Variants in CPNE4 observed in about 807,000 individuals in gnomAD.
The protein encoded by CPNE4 is copine 4.
CPNE4 carries 25 observed loss-of-function variants against 67.9 expected under a neutral mutation model. The ratio of observed to expected loss-of-function variants is 0.37; its 90% CI spans 0.27 to 0.51. The LOEUF (loss-of-function observed/expected upper bound fraction) is 0.51. CPNE4 is among the 20% of genes least tolerant of loss of function. The pLI, the probability that CPNE4 is intolerant of heterozygous loss-of-function variation, is 0.93. For synonymous variants in CPNE4, 242 were observed against 244.9 expected (o/e 0.99, Z 0.11); for missense variants, 464 against 690.8 (o/e 0.67, Z 3.68).
intron 3 of CPNE4, among the ~76,000 whole-genome samples, chr3:131,716,601 AT>A (rs2081693824): frequency 1.3e-5 from 2 of 152,144 alleles, no homozygotes; most frequent in South Asian, 4.1e-4. Flanking sequence ...TTCTGAAAAC[AT>A]GTTGGTCTCT....
At chr3:131,581,154 C>G (rs1041643568) in intron 9 of CPNE4, among the ~76,000 whole-genome samples, 4 of 152,158 alleles carry the variant, frequency 2.6e-5, no homozygotes, top group African/African-American at 9.7e-5. Flanking sequence ...GCCTGGGTGA[C>G]AGAGCAAAAC....
At chr3:131,893,174 T>C (rs947357377) in intron 2 of CPNE4, among the ~76,000 whole-genome samples, 1 of 152,010 alleles carries the variant, frequency 6.6e-6, no homozygotes, top group East Asian at 1.9e-4. Flanking sequence ...AAAAAGTGTG[T>C]AGCCATACTT....
chr3:131,556,267 A>T (rs1936451270), intron 11 of CPNE4, among the ~76,000 whole-genome samples: 1 of 152,112 alleles, frequency 6.6e-6, no homozygotes, highest in East Asian at 1.9e-4. Flanking sequence ...CCAGCTACTC[A>T]GGAGGCTGAG....
chr3:131,963,654 C>T (rs2072251419), intron 1 of CPNE4, among the ~76,000 whole-genome samples: 1 of 152,292 alleles, frequency 6.6e-6, no homozygotes, highest in Admixed American at 6.5e-5. Flanking sequence ...CGCAGGGCAG[C>T]GAAGCGGCTG....
intron 1 of CPNE4, among the ~76,000 whole-genome samples, chr3:131,916,340 C>A (rs1188557820): frequency 2.6e-5 from 3 of 114,828 alleles, no homozygotes; most frequent in African/African-American, 1.0e-4. Flanking sequence ...TTTTGTGTTT[C>A]CAGTTAGAAA....
At chr3:131,554,831 C>T (rs1439005039) in intron 12 of CPNE4, among the ~76,000 whole-genome samples, 3 of 151,974 alleles carry the variant, frequency 2.0e-5, no homozygotes, top group Non-Finnish European at 4.4e-5. Flanking sequence ...AAGGCCCTGT[C>T]CACCTAGTGG....
chr3:131,816,289 C>T (rs2084738666), intron 2 of CPNE4, among the ~76,000 whole-genome samples: 1 of 152,152 alleles, frequency 6.6e-6, no homozygotes. Flanking sequence ...TCCATGCTAT[C>T]ATGGGGAGTG....
chr3:131,677,047 T>C (rs958071087), intron 6 of CPNE4, among the ~76,000 whole-genome samples: 1 of 151,924 alleles, frequency 6.6e-6, no homozygotes, highest in African/African-American at 2.4e-5. Flanking sequence ...CATCTGTTTT[T>C]TTTTTTACTT....
chr3:131,859,176 G>C (rs1190307273), intron 2 of CPNE4, among the ~76,000 whole-genome samples: 1 of 152,144 alleles, frequency 6.6e-6, no homozygotes, highest in Non-Finnish European at 1.5e-5. Flanking sequence ...ACTGCAGTCT[G>C]TCCAAGAGAA....
At chr3:132,023,144 C>A (rs992842289) in intron 1 of CPNE4, among the ~76,000 whole-genome samples, 2 of 152,172 alleles carry the variant, frequency 1.3e-5, no homozygotes, top group East Asian at 3.9e-4. Flanking sequence ...GTATTTCAGT[C>A]GTTAACCCAT....
chr3:131,650,486 G>A (rs151173823), intron 7 of CPNE4, among the ~76,000 whole-genome samples: 7,099 of 142,238 alleles, frequency 0.05, 242 homozygotes, highest in Non-Finnish European at 0.065. Flanking sequence ...GGCCGGGCGC[G>A]GTGGCTCACG....
At chr3:131,558,945 G>A (rs767579963) in intron 11 of CPNE4, among the ~76,000 whole-genome samples, 1 of 151,870 alleles carries the variant, frequency 6.6e-6, no homozygotes, top group Non-Finnish European at 1.5e-5. Context: ...GCCTGTGATG[G>A]AGAGACCTGT....
intron 1 of CPNE4, among the ~76,000 whole-genome samples, chr3:131,989,008 T>G (rs2073118146): frequency 6.6e-6 from 1 of 152,228 alleles, no homozygotes; most frequent in Admixed American, 6.5e-5. Context: ...GTTGACTATG[T>G]TATATAGAGA....
At chr3:131,910,152 T>C (rs959586993) in intron 1 of CPNE4, among the ~76,000 whole-genome samples, 2 of 152,072 alleles carry the variant, frequency 1.3e-5, no homozygotes, top group African/African-American at 4.8e-5. Flanking sequence ...CTCAGGGCCC[T>C]AAAAGGCTTA....
At chr3:131,940,954 C>T (rs1305488371) in intron 1 of CPNE4, among the ~76,000 whole-genome samples, 4 of 152,042 alleles carry the variant, frequency 2.6e-5, no homozygotes, top group East Asian at 1.9e-4. Context: ...ACTAAAGATG[C>T]TGTCATGGAC....
chr3:132,001,738 T>C (rs577944562), intron 1 of CPNE4, among the ~76,000 whole-genome samples: 2 of 152,212 alleles, frequency 1.3e-5, no homozygotes, highest in African/African-American at 4.8e-5. Flanking sequence ...CTTCAGCCTT[T>C]CTCTTTCTAT....
chr3:131,739,044 AG>A (rs2082302756), intron 2 of CPNE4, among the ~76,000 whole-genome samples: 1 of 151,906 alleles, frequency 6.6e-6, no homozygotes, highest in African/African-American at 2.4e-5. Flanking sequence ...TAGTAGAGAC[AG>A]GGTTTCGCCA....
At chr3:131,558,651 T>C (rs1013007192) in intron 11 of CPNE4, among the ~76,000 whole-genome samples, 2 of 152,060 alleles carry the variant, frequency 1.3e-5, no homozygotes, top group Non-Finnish European at 2.9e-5. Flanking sequence ...ATCACCATTT[T>C]CTCCTTTCTG....
intron 1 of CPNE4, among the ~76,000 whole-genome samples, chr3:132,029,838 C>G (rs893873606): frequency 1.4e-4 from 21 of 152,186 alleles, no homozygotes; most frequent in African/African-American, 4.8e-4. Context: ...TAATTTAAAA[C>G]AGAATAAAGG....
Sources: gnomAD v4.1 joint callset for allele counts (sites outside exome capture counted in the v4.1 genomes callset) on GRCh38, gnomAD v4.1.1 for gene constraint, MANE v1.5 for transcripts, NCBI Gene and HGNC (gene_info 2026-07-23, HGNC 2026-07-21) for gene names.